Variants in RXRA observed in about 807,000 individuals in gnomAD.
RXRA encodes retinoid X receptor alpha.
Under a neutral mutation model 44.5 loss-of-function variants are expected in RXRA, and 5 were observed. That is an observed-to-expected ratio of 0.11 (90% CI 0.06 to 0.24). The LOEUF is 0.24. Ranked by LOEUF, RXRA falls within the 10% of genes least tolerant of loss-of-function variation. RXRA has a pLI of 1.00. For missense variants in RXRA, 412 were observed against 646.5 expected, an observed-to-expected ratio of 0.64 and a Z score of 3.93; for synonymous variants, 291 against 271.4, an observed-to-expected ratio of 1.07 and a Z score of -0.71.
At chr9:134,423,897 C>G (rs572957158) in intron 6 of RXRA, 1 of 985,288 alleles carries the variant, frequency 1.0e-6, no homozygotes, top group Non-Finnish European at 1.2e-6. Context: ...CCCACCAGAC[C>G]GATCCAGAGA....
In RXRA at chr9:134,377,556, C is replaced by A. The variant is rs190910533; in HGVS notation, c.29-24076C>A. On this transcript the variant is annotated intron_variant, in intron 1 of 9. Coordinates refer to ENST00000481739, the MANE Select transcript of RXRA (RefSeq NM_002957.6). ...GTGTGTGTGCCCTGCAGCCAGCACACCCACACCCCCAGCTCCCGCGACCCC... is the reference window on the plus strand; with the variant it reads ...GTGTGTGTGCCCTGCAGCCAGCACAACCACACCCCCAGCTCCCGCGACCCC... Among the ~76,000 whole-genome samples the A allele has an allele frequency of 1.1e-3, 172 of 152,328 alleles. 2 individuals are homozygous for A. Among genetic ancestry groups the A allele is most frequent in the Non-Finnish European group, 1.5e-3 (105 of 68,024 alleles).
At chr9:134,409,601 C>T (rs891692488) in intron 4 of RXRA, among the ~76,000 whole-genome samples, 1 of 152,200 alleles carries the variant, frequency 6.6e-6, no homozygotes, top group Non-Finnish European at 1.5e-5. Context: ...GTCCCTCCCC[C>T]GATGTCACCA....
intron 1 of RXRA, among the ~76,000 whole-genome samples, chr9:134,344,244 C>T (rs28499449): frequency 2.0e-4 from 30 of 152,246 alleles, no homozygotes; most frequent in African/African-American, 6.3e-4. Flanking sequence ...CCTCTGGCAC[C>T]GGCATGTGCG....
At chr9:134,361,351 G>A (rs1279882090) in intron 1 of RXRA, among the ~76,000 whole-genome samples, 2 of 152,138 alleles carry the variant, frequency 1.3e-5, no homozygotes, top group South Asian at 2.1e-4. Context: ...CCCCCAAGCC[G>A]TTCTGTACTG....
rs766320897 is a variant in RXRA, at chr9:134,408,205, C to T, written c.336C>T (p.Gly112=). The T allele has an allele frequency of 6.2e-7, 1 of 1,609,536 alleles. No individual in the cohort carries two copies. Among genetic ancestry groups the T allele is most frequent in the Non-Finnish European group, 8.5e-7 (1 of 1,177,784 alleles). ...SSSEDIKPPL[G]LNGVLKVPAH... ...GCGAGGACATCAAGCCCCCCCTGGG[C>T]CTCAATGGCGTCCTCAAGGTCCCCG... is the stretch of plus-strand genomic sequence containing the variant. The change falls in exon 3 of 10, where the codon GGC becomes GGT. Residue 112 remains glycine, a synonymous_variant. Coordinates refer to ENST00000481739, the MANE Select transcript of RXRA (RefSeq NM_002957.6).
intron 1 of RXRA, among the ~76,000 whole-genome samples, chr9:134,333,703 A>G (rs782050088): frequency 6.6e-6 from 1 of 152,140 alleles, no homozygotes; most frequent in East Asian, 1.9e-4. Context: ...GGAGGGATCT[A>G]AGTATCCTGT....
At chr9:134,402,340 CCT>C (rs1237941913) in intron 2 of RXRA, 1 of 164,252 alleles carries the variant, frequency 6.1e-6, no homozygotes, top group Non-Finnish European at 1.3e-5. Context: ...AGCTGCGTCC[CCT>C]CTCAGGGATG....
intron 2 of RXRA, chr9:134,403,917 C>CGTT (rs1831006552): frequency 1.3e-5 from 2 of 152,276 alleles, no homozygotes; most frequent in Admixed American, 6.5e-5. Context: ...GTCGGTCTGC[C>CGTT]GTTGGGCTGT....
chr9:134,390,892 G>C (rs2119121466), intron 1 of RXRA, among the ~76,000 whole-genome samples: 1 of 152,346 alleles, frequency 6.6e-6, no homozygotes, highest in East Asian at 1.9e-4. Flanking sequence ...GTGCTAGGGT[G>C]GGCCTGGGCT....
rs1254973984 is a variant in RXRA at position 134,343,172 on chromosome 9, A to G, written c.28+16513A>G. Among the ~76,000 whole-genome samples the G allele has an allele frequency of 2.0e-5, 3 of 152,062 alleles. No homozygotes were observed. Among genetic ancestry groups the G allele is most frequent in the Non-Finnish European group, 2.9e-5 (2 of 67,972 alleles). ...TCAGGGCCCCACACAGACCTTTTAC[A>G]TGCTGTGTGACCTGGGGCAGCGTGT... On this transcript the variant is annotated intron_variant, in intron 1 of 9. Transcript: ENST00000481739. The surrounding 1 kb of genome is among the most constrained non-coding windows in gnomAD (Gnocchi z 4.1).
rs532428104 is a variant in RXRA, at chr9:134,343,058, G to C, written c.28+16399G>C. Among the ~76,000 whole-genome samples the C allele has an allele frequency of 1.3e-5, 2 of 152,330 alleles. No homozygotes were observed. Among genetic ancestry groups the C allele is most frequent in the South Asian group, 4.1e-4 (2 of 4,830 alleles). Reference sequence around the variant, plus strand: ...GGGATTTTCACCTGCCCAGCCCTGGGAGGTGTCTTGGACCCAGAGCATTTG... The same window carrying C: ...GGGATTTTCACCTGCCCAGCCCTGGCAGGTGTCTTGGACCCAGAGCATTTG... On this transcript the variant is annotated intron_variant, in intron 1 of 9. Transcript: ENST00000481739. The surrounding 1 kb of genome is among the most constrained non-coding windows in gnomAD (Gnocchi z 4.1).
intron 1 of RXRA, among the ~76,000 whole-genome samples, chr9:134,350,657 C>G (rs1830210094): frequency 6.6e-6 from 1 of 152,246 alleles, no homozygotes; most frequent in Admixed American, 6.5e-5. Flanking sequence ...CCTGGCCCAG[C>G]TCCACCCTGC....
intron 1 of RXRA, among the ~76,000 whole-genome samples, chr9:134,355,386 AGTTTCCTGATATGCTG>A (rs1486981282): frequency 6.6e-6 from 1 of 152,204 alleles, no homozygotes; most frequent in African/African-American, 2.4e-5. Context: ...TCCCAGCTTC[AGTTTCCTGATATGCTG>A]GTCTCCGAAA....
chr9:134,350,298 G>A (rs939766741), intron 1 of RXRA, among the ~76,000 whole-genome samples: 2 of 152,118 alleles, frequency 1.3e-5, no homozygotes, highest in African/African-American at 2.4e-5. Flanking sequence ...TGCTGGCATC[G>A]CTCTCTGGCC....
chr9:134,357,524 G>T (rs547548773), intron 1 of RXRA, among the ~76,000 whole-genome samples: 2 of 152,138 alleles, frequency 1.3e-5, no homozygotes, highest in African/African-American at 4.8e-5. Context: ...TCCACGCCAC[G>T]AGCACAGTGG....
rs1377991352 is a variant in RXRA, at chr9:134,353,603, T to C, written c.28+26944T>C. Among the ~76,000 whole-genome samples, 5 of 152,344 alleles carry C rather than the reference T, an allele frequency of 3.3e-5. No homozygotes were observed. The South Asian group carries it at 8.3e-4, about 25-fold the overall frequency. On this transcript the variant is annotated intron_variant, in intron 1 of 9. Coordinates refer to ENST00000481739, the MANE Select transcript of RXRA (RefSeq NM_002957.6). ...CGAGCCCCTGTACCTCCAACACTGC[T>C]TCTCCCCACAGCTAGCGGGGAGGAC...
intron 2 of RXRA, chr9:134,405,882 C>G (rs1338265417): frequency 3.3e-5 from 5 of 152,450 alleles, no homozygotes; most frequent in Non-Finnish European, 5.9e-5. Context: ...TACTTCTTTC[C>G]TTTTTTCAAA....
In RXRA at chr9:134,428,568, G is replaced by A. The variant is rs532195870; in HGVS notation, c.911-540G>A. Reference sequence around the variant, plus strand: ...AGGGGCTGCTGTTACCTAACCACCCGCCCCAGGGAACCCCCACTATGTTGA... The same window carrying A: ...AGGGGCTGCTGTTACCTAACCACCCACCCCAGGGAACCCCCACTATGTTGA... On this transcript the variant is annotated intron_variant, in intron 6 of 9. Transcript: ENST00000481739. 2.7e-3 allele frequency among the ~76,000 whole-genome samples: 254 copies of A among 95,418 alleles called. 4 individuals are homozygous for A. In the Middle Eastern group the frequency reaches 0.085, roughly 32 times the overall value. 62.6% of individuals were successfully genotyped at this position (95,418 alleles called of 152,430 possible).
At chr9:134,381,543 A>G (rs957072543) in intron 1 of RXRA, among the ~76,000 whole-genome samples, 2 of 151,382 alleles carry the variant, frequency 1.3e-5, no homozygotes, top group Non-Finnish European at 3.0e-5. Context: ...GGGCTGGTGG[A>G]GATGGTGGGG....
Sources: allele counts gnomAD v4.1 joint callset (sites outside exome capture counted in the v4.1 genomes callset), GRCh38; gene constraint gnomAD v4.1.1; non-coding constraint Gnocchi (gnomAD v3.1); transcripts MANE v1.5; gene names NCBI Gene and HGNC (gene_info 2026-07-23, HGNC 2026-07-21).